Variants in CRY1 observed in about 807,000 individuals in gnomAD.
The protein encoded by CRY1 is cryptochrome circadian regulator 1, also known as cryptochrome-1.
CRY1 carries 45 observed loss-of-function variants against 76.0 expected under a neutral mutation model. The ratio of observed to expected loss-of-function variants is 0.59; its 90% CI spans 0.47 to 0.76. CRY1 has a LOEUF of 0.76. Among genes scored for constraint, CRY1 ranks in the 30% least tolerant of loss-of-function variants. The pLI is 0.00. For missense variants in CRY1, 587 were observed against 716.4 expected (o/e 0.82, Z 2.06); for synonymous variants, 248 against 244.0 (o/e 1.02, Z -0.15).
In CRY1 at chr12:107,053,333, T is replaced by C. The variant is rs143390463; in HGVS notation, c.159-31141A>G. Among the ~76,000 whole-genome samples, 763 of 152,304 alleles carry C rather than the reference T, an allele frequency of 5.0e-3. 6 individuals carry two copies. Among genetic ancestry groups the C allele is most frequent in the African/African-American group, 0.017 (719 of 41,572 alleles). ...CACACGTACAAATGTATTTTTTTTT[T>C]GAGACGGAGTTTCACTCTTGCTGCC... On this transcript the variant is annotated intron_variant, in intron 1 of 12. Transcript: ENST00000008527.
chr12:107,019,019 T>C (rs1196805672), intron 2 of CRY1, among the ~76,000 whole-genome samples: 1 of 152,154 alleles, frequency 6.6e-6, no homozygotes, highest in East Asian at 1.9e-4. Flanking sequence ...TAGCCTTACC[T>C]CCAATGTGGA....
At chr12:107,043,298 C>T (rs1056374164) in intron 1 of CRY1, 2 of 152,446 alleles carry the variant, frequency 1.3e-5, no homozygotes, top group Non-Finnish European at 2.9e-5. Context: ...AGTCATGTCT[C>T]CCTGAAGTCT....
chr12:107,074,704 T>C (rs982367064), intron 1 of CRY1, among the ~76,000 whole-genome samples: 7 of 152,196 alleles, frequency 4.6e-5, no homozygotes, highest in African/African-American at 1.4e-4. Context: ...CCTTGGCAAT[T>C]ATGTAGTTAA....
intron 1 of CRY1, among the ~76,000 whole-genome samples, chr12:107,078,914 T>C (rs1268084613): frequency 6.6e-6 from 1 of 152,124 alleles, no homozygotes; most frequent in Non-Finnish European, 1.5e-5. Context: ...TCTTATATCT[T>C]CCCCTTCCTC....
At chr12:106,996,616 C>T (rs1337326970) in intron 10 of CRY1, among the ~76,000 whole-genome samples, 4 of 152,194 alleles carry the variant, frequency 2.6e-5, no homozygotes, top group Non-Finnish European at 5.9e-5. Context: ...TTTTTCTCTG[C>T]ATCCTCACCA....
chr12:107,089,155 A>G (rs1317663668), intron 1 of CRY1, among the ~76,000 whole-genome samples: 1 of 152,186 alleles, frequency 6.6e-6, no homozygotes, highest in Non-Finnish European at 1.5e-5. Context: ...ACTGATGGCC[A>G]TTTGGGTTGT....
chr12:107,039,899 T>G (rs1344974529), intron 1 of CRY1, among the ~76,000 whole-genome samples: 1 of 152,076 alleles, frequency 6.6e-6, no homozygotes, highest in Admixed American at 6.5e-5. Flanking sequence ...AGCCACAAGA[T>G]GGAATGAATC....
chr12:107,016,868 C>T (rs1952502356), intron 2 of CRY1, among the ~76,000 whole-genome samples: 1 of 152,162 alleles, frequency 6.6e-6, no homozygotes, highest in Non-Finnish European at 1.5e-5. Context: ...TAGAGTCATC[C>T]TTGACTCTCA....
rs867332726 is a variant in CRY1, at chr12:107,010,319, G to T, written c.268-5071C>A. Among the ~76,000 whole-genome samples, 3 of 152,036 alleles carry T rather than the reference G, an allele frequency of 2.0e-5. No individual in the cohort carries two copies. The South Asian group carries it at 6.2e-4, about 32-fold the overall frequency. The stretch of plus-strand genomic sequence containing the variant: ...TATCAATTTTATTAATGTTTTCAAA[G>T]AACCCGTTTTTGGCTTTGTTGACTA... On this transcript the variant is annotated intron_variant, in intron 2 of 12. Coordinates refer to ENST00000008527, the MANE Select transcript of CRY1 (RefSeq NM_004075.5).
At chr12:107,021,332 G>A (rs894233569) in intron 2 of CRY1, among the ~76,000 whole-genome samples, 4 of 152,106 alleles carry the variant, frequency 2.6e-5, no homozygotes. Context: ...TTGGTAAAAT[G>A]TCCATTGTTA....
intron 2 of CRY1, among the ~76,000 whole-genome samples, chr12:107,006,638 C>CGTT (rs71076707): frequency 0.47 from 63,477 of 136,488 alleles, 16,781 homozygotes; most frequent in East Asian, 0.7. Context: ...TATTAGTAAT[C>CGTT]TTTTTTTTTT....
At chr12:107,055,932 G>C (rs1363178526) in intron 1 of CRY1, among the ~76,000 whole-genome samples, 1 of 152,086 alleles carries the variant, frequency 6.6e-6, no homozygotes, top group Non-Finnish European at 1.5e-5. Context: ...TAACAGCTTA[G>C]GTTATTTAGA....
chr12:107,048,894 T>C (rs1443331922), intron 1 of CRY1, among the ~76,000 whole-genome samples: 1 of 152,356 alleles, frequency 6.6e-6, no homozygotes, highest in Non-Finnish European at 1.5e-5. Context: ...GTCTGGTTTT[T>C]TTCCTCCTGG....
intron 1 of CRY1, among the ~76,000 whole-genome samples, chr12:107,048,399 C>A (rs1191040616): frequency 6.6e-6 from 1 of 152,150 alleles, no homozygotes; most frequent in African/African-American, 2.4e-5. Flanking sequence ...GATTTATCCA[C>A]ATACTTATGG....
At chr12:107,029,178 C>T (rs1415698752) in intron 1 of CRY1, among the ~76,000 whole-genome samples, 3 of 151,916 alleles carry the variant, frequency 2.0e-5, no homozygotes, top group Admixed American at 6.5e-5. Context: ...GTCAGGACTA[C>T]GTGCATGCAC....
chr12:107,079,811 T>G (rs916476354), intron 1 of CRY1, among the ~76,000 whole-genome samples: 2 of 152,140 alleles, frequency 1.3e-5, no homozygotes, highest in African/African-American at 2.4e-5. Context: ...ACACAAGGAT[T>G]TGAAACCATG....
rs760023300 is a variant in CRY1, at chr12:107,005,154, C to T, written c.362G>A (p.Gly121Glu). ...AAIKKLATEA[G>E]VEVIVRISHT... ...TGAAATTCTTACAATGACTTCTACT[C>T]CAGCTTCAGTTGCCAGTTTCTTAAT... Residue 121 changes from glycine (G) to glutamate (E), a missense_variant, in exon 3 of 13, where the codon GGA becomes GAA. Transcript: ENST00000008527. The T allele has an allele frequency of 3.1e-6, 5 of 1,613,496 alleles. No individual in the cohort carries two copies. The highest frequency in any genetic ancestry group is 4.2e-6 in the Non-Finnish European group (5 of 1,179,870).
At chr12:107,002,898 T>C (rs1952327807) in intron 3 of CRY1, among the ~76,000 whole-genome samples, 1 of 152,198 alleles carries the variant, frequency 6.6e-6, no homozygotes, top group South Asian at 2.1e-4. Context: ...ATGTAAGACA[T>C]GACTTGCTCC....
chr12:107,035,675 T>C (rs576119447), intron 1 of CRY1, among the ~76,000 whole-genome samples: 18 of 152,348 alleles, frequency 1.2e-4, no homozygotes, highest in African/African-American at 3.4e-4. Flanking sequence ...TCCAAGCTCC[T>C]TGAACCATAC....
Sources: allele counts gnomAD v4.1 joint callset (sites outside exome capture counted in the v4.1 genomes callset), GRCh38; gene constraint gnomAD v4.1.1; transcripts MANE v1.5; gene names NCBI Gene and HGNC (gene_info 2026-07-23, HGNC 2026-07-21).